Variants in NLRP5 observed in about 807,000 individuals in gnomAD.
NLRP5 encodes NLR family pyrin domain containing 5.
Under a neutral mutation model 113.1 loss-of-function variants are expected in NLRP5, and 93 were observed. The ratio of observed to expected loss-of-function variants is 0.82; its 90% CI spans 0.70 to 0.98. The LOEUF is 0.98. Among genes scored for constraint, NLRP5 ranks in the 50% least tolerant of loss-of-function variants. The pLI is 0.00. For synonymous variants in NLRP5, 751 were observed against 600.7 expected (o/e 1.25, Z -3.66); for missense variants, 1,808 against 1,514.3 (o/e 1.19, Z -3.22).
At position 56,007,181 on chromosome 19, in the gene NLRP5, G is replaced by A. The variant is rs182007331; in HGVS notation, c.443-1607G>A. ...AGTTCAAGACTAGCCTGTCTAACAC[G>A]GTAAAACCCTGTCTCTACTAAAAAT... On this transcript the variant is annotated intron_variant, in intron 2 of 14. Transcript: ENST00000390649. Among the ~76,000 whole-genome samples the A allele has an allele frequency of 5.5e-4, 83 of 151,340 alleles. 1 individual carries two copies. The highest frequency in any genetic ancestry group is 1.6e-3 in the African/African-American group (64 of 40,748).
At chr19:56,016,223 A>G (rs150121709) in intron 4 of NLRP5, among the ~76,000 whole-genome samples, 15,975 of 151,986 alleles carry the variant, frequency 0.11, 1,072 homozygotes, top group African/African-American at 0.17. Flanking sequence ...GTGTGATCTC[A>G]GCTCACTGCC....
intron 7 of NLRP5, among the ~76,000 whole-genome samples, chr19:56,031,835 C>A (rs1983127658): frequency 6.6e-6 from 1 of 152,110 alleles, no homozygotes; most frequent in Non-Finnish European, 1.5e-5. Flanking sequence ...TGTAAGTTTT[C>A]CAGATCTGAG....
chr19:55,997,547 G>A (rs935868969), upstream of NLRP5, among the ~76,000 whole-genome samples: 4 of 152,062 alleles, frequency 2.6e-5, no homozygotes, highest in Non-Finnish European at 5.9e-5. Context: ...AAGTTTAAAA[G>A]GTAGCTGGGC....
chr19:56,028,982 C>T (rs769719615), intron 7 of NLRP5, among the ~76,000 whole-genome samples: 13 of 152,116 alleles, frequency 8.5e-5, no homozygotes, highest in Non-Finnish European at 1.5e-4. Flanking sequence ...CCAGGCTGGT[C>T]TCGAACTCCT....
intron 2 of NLRP5, among the ~76,000 whole-genome samples, chr19:56,004,719 A>T (rs1981788041): frequency 6.6e-6 from 1 of 152,252 alleles, no homozygotes; most frequent in East Asian, 1.9e-4. Context: ...AGAAAATAGC[A>T]GTTCTTTTTT....
intron 1 of NLRP5, among the ~76,000 whole-genome samples, chr19:56,001,366 G>C (rs1981644944): frequency 6.7e-6 from 1 of 148,510 alleles, no homozygotes; most frequent in Admixed American, 6.7e-5. Flanking sequence ...TTATTGAATA[G>C]ATTTTAGCTA....
rs60945822 is a variant in NLRP5 at position 56,034,817 on chromosome 19, C to CGTTGGTTG, written c.2615+1123_2615+1130dup. Among the ~76,000 whole-genome samples, 37 of 152,072 alleles carry CGTTGGTTG rather than the reference C, an allele frequency of 2.4e-4. 1 individual carries two copies. Among genetic ancestry groups the CGTTGGTTG allele is most frequent in the Admixed American group, 2.2e-3 (33 of 15,268 alleles). On this transcript the variant is annotated intron_variant, in intron 9 of 14. Transcript: ENST00000390649. ...TTTAACCATTCACCATCCAGGGACA[C>CGTTGGTTG]GTTGGTTGGTTGGTTGGTTGGTCGG...
intron 11 of NLRP5, among the ~76,000 whole-genome samples, chr19:56,045,074 C>T (rs1278596232): frequency 6.6e-6 from 1 of 152,192 alleles, no homozygotes; most frequent in East Asian, 1.9e-4. Flanking sequence ...TATCTGGACA[C>T]TTGAATTATT....
rs764614149 is a variant in NLRP5 at position 56,033,553 on chromosome 19, C to G, written c.2459C>G (p.Ala820Gly). ...CTTCCCCATTGCAGGTTTAGAAATG[C>G]ACAGATTACCCCTGGTGTGCAGCAC... Residue 820 changes from alanine to glycine, a missense_variant, in exon 9 of 15, where the codon GCA (alanine) becomes GGA (glycine). Transcript: ENST00000390649. 3.7e-6 allele frequency: 6 copies of G among 1,612,552 alleles called. No individual in the cohort carries two copies. The highest frequency in any genetic ancestry group is 5.1e-6 in the Non-Finnish European group (6 of 1,179,190).
chr19:56,041,913 T>C (rs10420406), intron 11 of NLRP5, among the ~76,000 whole-genome samples: 26,724 of 152,158 alleles, frequency 0.18, 2,476 homozygotes, highest in African/African-American at 0.25. Flanking sequence ...GAGCTGAGAT[T>C]GTGCCATTGC....
chr19:56,003,512 A>G (rs1324071112), intron 1 of NLRP5, among the ~76,000 whole-genome samples: 1 of 152,200 alleles, frequency 6.6e-6, no homozygotes, highest in Non-Finnish European at 1.5e-5. Context: ...ATGCACGTCC[A>G]ATTTTATTCT....
At chr19:56,013,184 A>G (rs1421895936) in intron 3 of NLRP5, among the ~76,000 whole-genome samples, 1 of 151,834 alleles carries the variant, frequency 6.6e-6, no homozygotes, top group Non-Finnish European at 1.5e-5. Flanking sequence ...CATTTAACAT[A>G]ATGTTTTTGT....
chr19:56,010,908 T>G (rs1044691602), intron 3 of NLRP5, among the ~76,000 whole-genome samples: 4 of 151,776 alleles, frequency 2.6e-5, no homozygotes, highest in African/African-American at 9.7e-5. Flanking sequence ...TCCCAGCACT[T>G]TGGGAGGCTG....
chr19:56,037,726 G>T (rs1983371416), intron 9 of NLRP5, among the ~76,000 whole-genome samples: 1 of 151,518 alleles, frequency 6.6e-6, no homozygotes, highest in South Asian at 2.1e-4. Context: ...GTTGGCTGGG[G>T]TGGGTTGCTA....
At chr19:55,998,579 G>A (rs1178133305), upstream of NLRP5, among the ~76,000 whole-genome samples, 1 of 150,976 alleles carries the variant, frequency 6.6e-6, no homozygotes, top group Non-Finnish European at 1.5e-5. Context: ...CTTGAACCCG[G>A]GAGGTGGAGG....
At chr19:56,059,256 G>A (rs1048454690) in intron 14 of NLRP5, among the ~76,000 whole-genome samples, 1 of 152,140 alleles carries the variant, frequency 6.6e-6, no homozygotes, top group African/African-American at 2.4e-5. Flanking sequence ...AAGTCTGGAG[G>A]GCTGAGTTGA....
At chr19:55,990,519 CCT>C in the NLRP5 span, among the ~76,000 whole-genome samples, 3 of 151,450 alleles carry the variant, frequency 2.0e-5, no homozygotes, top group Admixed American at 1.3e-4. Context: ...GGCGAAATAC[CCT>C]GTCTACTAAA....
In NLRP5 at chr19:56,032,606, CAT is replaced by C. The variant is rs780396948; in HGVS notation, c.2277-3_2277-2del. Reference sequence around the variant, plus strand: ...GAGCCCATGTTTCTATCCCCCCTGACATAGGATGCGGGATAAGACCCTCATTG... The same window carrying C: ...GAGCCCATGTTTCTATCCCCCCTGACAGGATGCGGGATAAGACCCTCATTG... On this transcript the variant is annotated splice_polypyrimidine_tract_variant and splice_region_variant and intron_variant, in intron 7 of 14. Transcript: ENST00000390649. 6.2e-7 allele frequency: 1 copy of C among 1,610,136 alleles called. No individual in the cohort carries two copies. The highest frequency in any genetic ancestry group is 1.1e-5 in the South Asian group (1 of 90,372).
At chr19:56,024,531 A>G (rs201404699) in intron 6 of NLRP5, among the ~76,000 whole-genome samples, 50,734 of 147,282 alleles carry the variant, frequency 0.34, 9,295 homozygotes, top group East Asian at 0.53. Context: ...ATATGTATAC[A>G]TATGTATATG....
Sources: gnomAD v4.1 joint callset for allele counts (sites outside exome capture counted in the v4.1 genomes callset) on GRCh38, gnomAD v4.1.1 for gene constraint, MANE v1.5 for transcripts, NCBI Gene and HGNC (gene_info 2026-07-23, HGNC 2026-07-21) for gene names.